Variants in LPP observed in about 807,000 individuals in gnomAD.
The protein encoded by LPP is LIM domain containing preferred translocation partner in lipoma, also known as lipoma-preferred partner.
A neutral mutation model predicts 60.4 loss-of-function variants in LPP; 38 were observed. The ratio of observed to expected loss-of-function variants is 0.63; its 90% confidence interval spans 0.49 to 0.83. The LOEUF is 0.83. Ranked by LOEUF, LPP falls within the 40% of genes least tolerant of loss-of-function variation. LPP has a pLI of 0.00. For missense variants in LPP, 902 were observed against 783.6 expected (o/e 1.15, Z -1.80); for synonymous variants, 328 against 290.8 (o/e 1.13, Z -1.30).
At chr3:188,687,197 A>G (rs1860950492) in intron 7 of LPP, among the ~76,000 whole-genome samples, 1 of 152,214 alleles carries the variant, frequency 6.6e-6, no homozygotes, top group Non-Finnish European at 1.5e-5. Context: ...TATTTTGCAG[A>G]TGAGCAAACC....
At chr3:188,317,839 A>G (rs1223292536) in intron 2 of LPP, among the ~76,000 whole-genome samples, 1 of 152,186 alleles carries the variant, frequency 6.6e-6, no homozygotes, top group East Asian at 1.9e-4. Context: ...AAAAGAGAGA[A>G]TCTCAGGAAT....
At chr3:188,789,147 T>C (rs1283323442) in intron 9 of LPP, among the ~76,000 whole-genome samples, 2 of 152,184 alleles carry the variant, frequency 1.3e-5, no homozygotes, top group African/African-American at 4.8e-5. Context: ...TGTACATTGT[T>C]ATTTTAGACA....
chr3:188,875,601 A>G lies in LPP; in HGVS notation c.*1122A>G. On this transcript the variant is annotated 3_prime_UTR_variant, in exon 12 of 12. Transcript: ENST00000617246. ...AAGCTTGAAAAGATTCTGAAACCAC[A>G]GTTTCATTATTCTCATAATCCTTCT... The G allele has an allele frequency of 4.8e-6, 1 of 207,168 alleles. No individual in the cohort carries two copies. Among genetic ancestry groups the G allele is most frequent in the East Asian group, 7.4e-5 (1 of 13,480 alleles). The allele number at this position is 207,168 out of a possible 1,614,324, so 12.8% of individuals were successfully genotyped here. A position where few individuals can be genotyped will look rare whatever the true frequency, so the allele number is the denominator to read the frequency against.
intron 3 of LPP, among the ~76,000 whole-genome samples, chr3:188,353,309 G>A (rs1288918773): frequency 3.3e-5 from 5 of 152,114 alleles, no homozygotes; most frequent in African/African-American, 1.2e-4. Context: ...TTTTTGTTGA[G>A]TTGAACTTAG....
rs576276652 is a variant in LPP, at chr3:188,713,448, ATATAT to A, written c.1240+5058_1240+5062del. Among the ~76,000 whole-genome samples the A allele has an allele frequency of 7.2e-3, 1,095 of 152,108 alleles. 5 individuals are homozygous for A. Among genetic ancestry groups the A allele is most frequent in the Non-Finnish European group, 0.011 (720 of 68,000 alleles). On this transcript the variant is annotated intron_variant, in intron 8 of 11. Coordinates refer to ENST00000617246, the MANE Select transcript of LPP (RefSeq NM_001375462.1). The stretch of plus-strand genomic sequence containing the variant: ...ACTTAGAGAAATTTGAATATCAATG[ATATAT>A]TAGATAATACATCAATGTTAATTTC...
chr3:188,862,728 T>A (rs56314555), intron 9 of LPP, among the ~76,000 whole-genome samples: 14,777 of 72,286 alleles, frequency 0.2, 1,326 homozygotes, highest in East Asian at 0.59. Context: ...AATAAATAAA[T>A]AAATAAATAA....
At chr3:188,515,941 A>T (rs1359697863) in intron 5 of LPP, among the ~76,000 whole-genome samples, 1 of 152,096 alleles carries the variant, frequency 6.6e-6, no homozygotes, top group African/African-American at 2.4e-5. Flanking sequence ...ATACATATAT[A>T]TAAACTCCTC....
chr3:188,272,785 A>C (rs1030363693), intron 2 of LPP, among the ~76,000 whole-genome samples: 1 of 152,162 alleles, frequency 6.6e-6, no homozygotes, highest in African/African-American at 2.4e-5. Context: ...TTATGAGAAA[A>C]CCACAGGAAA....
At chr3:188,472,541 A>G (rs1025660597) in intron 4 of LPP, 6 of 152,222 alleles carry the variant, frequency 3.9e-5, no homozygotes, top group Non-Finnish European at 8.8e-5. Context: ...GCATCATTTT[A>G]TATAAATAGT....
intron 1 of LPP, among the ~76,000 whole-genome samples, chr3:188,203,156 A>G (rs1307296824): frequency 7.2e-6 from 1 of 137,984 alleles, no homozygotes; most frequent in African/African-American, 2.7e-5. Context: ...ATATAATTAT[A>G]TTGTAATTAA....
At chr3:188,830,868 A>T (rs1273665519) in intron 9 of LPP, among the ~76,000 whole-genome samples, 1 of 152,054 alleles carries the variant, frequency 6.6e-6, no homozygotes, top group African/African-American at 2.4e-5. Context: ...CTTACCCTGG[A>T]TTGTTGTTGA....
intron 3 of LPP, among the ~76,000 whole-genome samples, chr3:188,364,448 G>T (rs1770512742): frequency 6.6e-6 from 1 of 152,140 alleles, no homozygotes; most frequent in African/African-American, 2.4e-5. Flanking sequence ...CACTTATGGG[G>T]TTTCCTTTCT....
chr3:188,624,764 TTC>T (rs746905197), intron 7 of LPP, among the ~76,000 whole-genome samples: 35 of 101,748 alleles, frequency 3.4e-4, no homozygotes, highest in Non-Finnish European at 5.0e-4. Flanking sequence ...CTCCTTCTCC[TTC>T]TCCTTCCTTC....
chr3:188,380,405 G>T lies in LPP; in HGVS notation c.-9-25707G>T, dbSNP rs79696031. ...TCTTCTGGGTCACATGTTTGCCTCT[G>T]CAGGACTCTGACCTGTCATTTTAGA... is the stretch of plus-strand genomic sequence containing the variant. On this transcript the variant is annotated intron_variant, in intron 3 of 11. Coordinates refer to ENST00000617246, the MANE Select transcript of LPP (RefSeq NM_001375462.1). Among the ~76,000 whole-genome samples, 608 of 152,360 alleles carry T rather than the reference G, an allele frequency of 4.0e-3. 10 individuals are homozygous for T. Among genetic ancestry groups the T allele is most frequent in the African/African-American group, 0.014 (593 of 41,584 alleles).
chr3:188,648,430 A>G (rs1290817387), intron 7 of LPP, among the ~76,000 whole-genome samples: 1 of 152,152 alleles, frequency 6.6e-6, no homozygotes, highest in Non-Finnish European at 1.5e-5. Context: ...TAACTGGCTT[A>G]TGAGGTTTCC....
intron 6 of LPP, among the ~76,000 whole-genome samples, chr3:188,547,914 G>A (rs934111922): frequency 6.6e-6 from 1 of 152,152 alleles, no homozygotes; most frequent in Admixed American, 6.5e-5. Context: ...TCCAGAAACG[G>A]CCCTGAGGCT....
At chr3:188,238,375 CT>C (rs199984318) in intron 2 of LPP, among the ~76,000 whole-genome samples, 227 of 146,050 alleles carry the variant, frequency 1.6e-3, no homozygotes, top group East Asian at 0.011. Context: ...CCTTTATGAA[CT>C]TTTTTTTTTT....
chr3:188,851,238 A>G (rs912598682), intron 9 of LPP, among the ~76,000 whole-genome samples: 8 of 152,238 alleles, frequency 5.3e-5, no homozygotes, highest in African/African-American at 1.9e-4. Context: ...ACATCACTCT[A>G]TGATTCTATG....
At chr3:188,594,351 C>T (rs949795838) in intron 6 of LPP, among the ~76,000 whole-genome samples, 4 of 152,128 alleles carry the variant, frequency 2.6e-5, no homozygotes, top group Admixed American at 1.3e-4. Context: ...ACCCTGGTTC[C>T]CTGCTCTTAA....
Sources: allele counts gnomAD v4.1 joint callset (sites outside exome capture counted in the v4.1 genomes callset), GRCh38; gene constraint gnomAD v4.1.1; transcripts MANE v1.5; gene names NCBI Gene and HGNC (gene_info 2026-07-23, HGNC 2026-07-21).